The following MAP2K4 variants were observed in gnomAD, a reference collection of about 807,000 sequenced individuals.
MAP2K4 encodes the protein mitogen-activated protein kinase kinase 4.
A neutral mutation model predicts 48.5 loss-of-function variants in MAP2K4; 4 were observed. That is an observed-to-expected ratio of 0.08 (90% CI 0.04 to 0.19). MAP2K4 has a LOEUF of 0.19. Among genes scored for constraint, MAP2K4 ranks in the 10% least tolerant of loss-of-function variants. The pLI is 1.00. For missense variants in MAP2K4, 258 were observed against 493.3 expected, an observed-to-expected ratio of 0.52 and a Z score of 4.52; for synonymous variants, 166 against 173.1, an observed-to-expected ratio of 0.96 and a Z score of 0.32.
intron 1 of MAP2K4, among the ~76,000 whole-genome samples, chr17:12,047,871 C>T (rs1259101072): frequency 2.0e-5 from 3 of 152,112 alleles, no homozygotes; most frequent in African/African-American, 4.8e-5. Context: ...TGTTTTTATC[C>T]TGGTTTCACA....
chr17:12,122,114 T>G (rs1281349171), intron 7 of MAP2K4, among the ~76,000 whole-genome samples: 1 of 152,244 alleles, frequency 6.6e-6, no homozygotes, highest in Non-Finnish European at 1.5e-5. Context: ...TGCCTTTCCT[T>G]TTGTTCTTAA....
chr17:12,045,931 T>A (rs549913826), intron 1 of MAP2K4, among the ~76,000 whole-genome samples: 2 of 152,234 alleles, frequency 1.3e-5, no homozygotes, highest in African/African-American at 4.8e-5. Flanking sequence ...GATTTAAAAA[T>A]GGTCTGAGCA....
chr17:12,048,451 A>C (rs1970033271), intron 1 of MAP2K4, among the ~76,000 whole-genome samples: 1 of 152,174 alleles, frequency 6.6e-6, no homozygotes, highest in Non-Finnish European at 1.5e-5. Context: ...GTGGATGAAC[A>C]ACAGTGCTTT....
intron 4 of MAP2K4, among the ~76,000 whole-genome samples, chr17:12,101,432 A>G (rs1971932029): frequency 6.6e-6 from 1 of 152,042 alleles, no homozygotes; most frequent in Non-Finnish European, 1.5e-5. Flanking sequence ...CAGATTTGAG[A>G]GTGTTGGTCC....
chr17:12,071,698 AATATAT>A (rs143836908), intron 2 of MAP2K4, among the ~76,000 whole-genome samples: 1 of 152,066 alleles, frequency 6.6e-6, no homozygotes, highest in African/African-American at 2.4e-5. Flanking sequence ...GGCACTGGGA[AATATAT>A]ATATATGATT....
intron 2 of MAP2K4, among the ~76,000 whole-genome samples, chr17:12,072,108 A>G (rs999098009): frequency 6.6e-6 from 1 of 152,198 alleles, no homozygotes; most frequent in Non-Finnish European, 1.5e-5. Flanking sequence ...CGCACTTTGA[A>G]ATGAAGCTTC....
intron 5 of MAP2K4, 140 bp downstream of exon 5, chr17:12,108,049 A>C: frequency 2.7e-6 from 2 of 727,914 alleles, no homozygotes; most frequent in Non-Finnish European, 4.2e-6. Context: ...AGACAAAGTC[A>C]CTTCTGTGGG....
rs28921103 is a variant in MAP2K4 at position 12,139,534 on chromosome 17, CATTT to C, written c.1041-302_1041-299del. ...CACAAATAATTTTATACTTATAAAA[CATTT>C]ATATATTTAACTGTAGTATTCTGTG... On this transcript the variant is annotated intron_variant, in intron 9 of 10. Coordinates refer to ENST00000353533, the MANE Select transcript of MAP2K4 (RefSeq NM_003010.4). Among the ~76,000 whole-genome samples, 949 of 152,192 alleles carry C rather than the reference CATTT, an allele frequency of 6.2e-3. 2 individuals are homozygous for C. Among genetic ancestry groups the C allele is most frequent in the East Asian group, 0.036 (188 of 5,188 alleles).
rs1002526348 is a variant in MAP2K4, at chr17:12,020,905, A to AGCGGCG, written c.28_33dup (p.Gly10_Gly11dup). The AGCGGCG allele has an allele frequency of 1.7e-6, 2 of 1,170,752 alleles. No individual in the cohort carries two copies. Among genetic ancestry groups the AGCGGCG allele is most frequent in the East Asian group, 3.7e-5 (1 of 26,954 alleles). The allele number at this position is 1,170,752 out of a possible 1,614,324, so 72.5% of individuals were successfully genotyped here. On this transcript the variant is annotated inframe_insertion, in exon 1 of 11. Coordinates refer to ENST00000353533, the MANE Select transcript of MAP2K4 (RefSeq NM_003010.4). ...CCCAACAATGGCGGCTCCGAGCCCG[A>AGCGGCG]GCGGCGGCGGCGGCTCCGGGGGCGG...
intron 9 of MAP2K4, among the ~76,000 whole-genome samples, chr17:12,136,196 A>G (rs1022764246): frequency 1.3e-5 from 2 of 152,210 alleles, no homozygotes; most frequent in South Asian, 2.1e-4. Flanking sequence ...CCACAAAAAA[A>G]TCTCAACACT....
At chr17:12,039,559 C>A (rs781505493) in intron 1 of MAP2K4, among the ~76,000 whole-genome samples, 1 of 152,122 alleles carries the variant, frequency 6.6e-6, no homozygotes, top group Non-Finnish European at 1.5e-5. Context: ...ATTATTTTAT[C>A]CACATAAATG....
intron 10 of MAP2K4, among the ~76,000 whole-genome samples, chr17:12,140,629 T>G (rs1467104617): frequency 6.6e-6 from 1 of 152,136 alleles, no homozygotes; most frequent in Non-Finnish European, 1.5e-5. Flanking sequence ...TTGGGCCTCT[T>G]TTGGTCAAAA....
Position 12,135,824 on chromosome 17 carries a change from A to C in MAP2K4, c.1041-4015A>C, listed in dbSNP as rs868257185. Among the ~76,000 whole-genome samples the C allele has an allele frequency of 1.2e-3, 179 of 152,328 alleles. 1 individual carries two copies. Among genetic ancestry groups the C allele is most frequent in the African/African-American group, 4.1e-3 (169 of 41,582 alleles). The stretch of plus-strand genomic sequence containing the variant: ...CTCAGCCTCCCAAAGTTCTGGCATT[A>C]CAGGGGTGAACCATCGTGCCCCACC... On this transcript the variant is annotated intron_variant, in intron 9 of 10. Transcript: ENST00000353533.
chr17:12,101,292 A>G (rs1240247202), intron 4 of MAP2K4, among the ~76,000 whole-genome samples: 1 of 151,998 alleles, frequency 6.6e-6, no homozygotes, highest in African/African-American at 2.4e-5. Context: ...CACCTTTATC[A>G]GATATCAGTT....
At chr17:12,021,933 G>C (rs941021498) in intron 1 of MAP2K4, among the ~76,000 whole-genome samples, 1 of 152,132 alleles carries the variant, frequency 6.6e-6, no homozygotes, top group Non-Finnish European at 1.5e-5. Flanking sequence ...GGCCAGGCCC[G>C]AGCCTGTTAG....
At chr17:12,095,448 C>G (rs1192634650) in intron 3 of MAP2K4, 127 bp from the exon 4 acceptor site, 1 of 916,372 alleles carries the variant, frequency 1.1e-6, no homozygotes, top group Non-Finnish European at 1.7e-6. Context: ...ATTTTCATAT[C>G]TGGTATTTGT....
chr17:12,142,977 A>G lies in MAP2K4; in HGVS notation c.*1717A>G, dbSNP rs553603101. ...TGACAGTCATAAATACTGTCAAACAATAAAGGGAGAATGGTGCTGTTTAAA... is the reference window on the plus strand; with the variant it reads ...TGACAGTCATAAATACTGTCAAACAGTAAAGGGAGAATGGTGCTGTTTAAA... On this transcript the variant is annotated 3_prime_UTR_variant, in exon 11 of 11. Transcript: ENST00000353533. The G allele has an allele frequency of 2.4e-4, 57 of 232,902 alleles. No homozygotes were observed. The highest frequency in any genetic ancestry group is 1.2e-3 in the African/African-American group (54 of 45,450). 14.4% of individuals were successfully genotyped at this position (232,902 alleles called of 1,614,324 possible). A position where few individuals can be genotyped will look rare whatever the true frequency, so the allele number is the denominator to read the frequency against.
At chr17:12,085,887 G>C (rs894744429) in intron 3 of MAP2K4, among the ~76,000 whole-genome samples, 15 of 152,014 alleles carry the variant, frequency 9.9e-5, no homozygotes, top group Admixed American at 2.6e-4. Context: ...AGTATGGCTT[G>C]GCTTGTTTTC....
intron 1 of MAP2K4, chr17:12,021,371 G>C (rs1291807690): frequency 1.3e-5 from 2 of 155,074 alleles, no homozygotes; most frequent in East Asian, 3.7e-4. Flanking sequence ...GCTCGGGGCT[G>C]CGGCGGAGCG....
Sources: allele counts gnomAD v4.1 joint callset (sites outside exome capture counted in the v4.1 genomes callset), GRCh38; gene constraint gnomAD v4.1.1; transcripts MANE v1.5; gene names NCBI Gene and HGNC (gene_info 2026-07-23, HGNC 2026-07-21).